The following MEMO1 variants were observed in gnomAD, a reference collection of about 807,000 sequenced individuals.
The protein encoded by MEMO1 is protein MEMO1.
In MEMO1, 6 loss-of-function variants were observed where a neutral mutation model predicts 45.2. That is an observed-to-expected ratio of 0.13 (90% CI 0.07 to 0.26). MEMO1 has a LOEUF of 0.26. Ranked by LOEUF, MEMO1 falls within the 10% of genes least tolerant of loss-of-function variation. MEMO1 has a pLI of 1.00. For synonymous variants in MEMO1, 78 were observed against 124.3 expected, an observed-to-expected ratio of 0.63 and a Z score of 2.48; for missense variants, 184 against 370.5, an observed-to-expected ratio of 0.50 and a Z score of 4.13.
chr2:31,924,607 T>C (rs1255421320), intron 4 of MEMO1, among the ~76,000 whole-genome samples: 2 of 152,186 alleles, frequency 1.3e-5, no homozygotes, highest in African/African-American at 4.8e-5. Flanking sequence ...CCTGAGTGTG[T>C]ACCCTCATGA....
At chr2:31,961,407 G>C (rs182642342) in intron 2 of MEMO1, among the ~76,000 whole-genome samples, 1 of 151,808 alleles carries the variant, frequency 6.6e-6, no homozygotes. Flanking sequence ...GGGAGGACAT[G>C]AAAAAAACAG....
chr2:31,971,459 G>A (rs1345234865), intron 2 of MEMO1, among the ~76,000 whole-genome samples: 1 of 151,960 alleles, frequency 6.6e-6, no homozygotes, highest in African/African-American at 2.4e-5. Flanking sequence ...TGCACTCCTG[G>A]GCTCAAGAGA....
intron 3 of MEMO1, among the ~76,000 whole-genome samples, chr2:31,942,708 G>C (rs1028242866): frequency 6.6e-6 from 1 of 151,980 alleles, no homozygotes; most frequent in Non-Finnish European, 1.5e-5. Context: ...TTTTAGTAGA[G>C]ATGGAGTCTC....
chr2:31,963,171 C>T (rs1464082376), intron 2 of MEMO1: 1 of 1,540,716 alleles, frequency 6.5e-7, no homozygotes. Flanking sequence ...TGAAACCGCA[C>T]CGTCAGCTCT....
chr2:31,925,592 A>G (rs1156753327), intron 4 of MEMO1, among the ~76,000 whole-genome samples: 3 of 152,022 alleles, frequency 2.0e-5, no homozygotes, highest in Non-Finnish European at 4.4e-5. Context: ...CAAACTGTGA[A>G]CTCTGGAATT....
rs1296335887 is a variant in MEMO1, at chr2:31,951,156, T to TTG, written c.62-7774_62-7773insCA. Among the ~76,000 whole-genome samples, 89 of 152,328 alleles carry TTG rather than the reference T, an allele frequency of 5.8e-4. 1 individual carries two copies. The highest frequency in any genetic ancestry group is 1.8e-4 in the Non-Finnish European group (12 of 68,024). ...TTCTGTAATTGGTATTTAACTAGTATGTTGACTGAAACATCAAAGGGGTGA... is the reference window on the plus strand; with the variant it reads ...TTCTGTAATTGGTATTTAACTAGTATTGGTTGACTGAAACATCAAAGGGGTGA... On this transcript the variant is annotated intron_variant, in intron 2 of 9. Coordinates refer to ENST00000404530, the MANE Select transcript of MEMO1 (RefSeq NM_001301833.4).
chr2:31,921,052 T>G, intron 4 of MEMO1, 142 bp from the exon 5 acceptor site: 1 of 567,916 alleles, frequency 1.8e-6, no homozygotes, highest in Non-Finnish European at 3.2e-6. Context: ...TGTGTTCCCC[T>G]CCAAAATTCA....
At chr2:31,977,584 G>C (rs1460095633) in intron 2 of MEMO1, among the ~76,000 whole-genome samples, 1 of 152,128 alleles carries the variant, frequency 6.6e-6, no homozygotes, top group African/African-American at 2.4e-5. Context: ...CACGATCTCA[G>C]CTCACCACAA....
intron 5 of MEMO1, among the ~76,000 whole-genome samples, chr2:31,919,747 C>T (rs541941582): frequency 6.6e-5 from 10 of 152,056 alleles, no homozygotes; most frequent in African/African-American, 2.4e-4. Flanking sequence ...CACTTGAGCC[C>T]AGGAGTTTGA....
At chr2:31,975,122 A>G (rs1487177050) in intron 2 of MEMO1, among the ~76,000 whole-genome samples, 1 of 152,230 alleles carries the variant, frequency 6.6e-6, no homozygotes, top group Non-Finnish European at 1.5e-5. Context: ...CAGTGAGCCA[A>G]GATCGTGCCA....
At chr2:31,904,124 G>A (rs1005913508) in intron 6 of MEMO1, among the ~76,000 whole-genome samples, 2 of 152,158 alleles carry the variant, frequency 1.3e-5, no homozygotes, top group Non-Finnish European at 2.9e-5. Flanking sequence ...TGGGAAAGAG[G>A]CATAGGAGCT....
chr2:31,894,727 G>A (rs1677500120), intron 6 of MEMO1, among the ~76,000 whole-genome samples: 1 of 152,172 alleles, frequency 6.6e-6, no homozygotes, highest in South Asian at 2.1e-4. Context: ...TTGGGTACGT[G>A]CACAGGGTCT....
At chr2:31,897,554 C>T (rs1164614967) in intron 6 of MEMO1, among the ~76,000 whole-genome samples, 1 of 152,130 alleles carries the variant, frequency 6.6e-6, no homozygotes, top group African/African-American at 2.4e-5. Flanking sequence ...GCCTTGCATT[C>T]CAGGGATGAA....
chr2:31,909,162 C>T (rs1330338318), intron 6 of MEMO1, among the ~76,000 whole-genome samples: 1 of 152,124 alleles, frequency 6.6e-6, no homozygotes, highest in Non-Finnish European at 1.5e-5. Context: ...TCACAATGAA[C>T]AGGGAAAAAC....
chr2:31,939,202 T>C (rs1665316151), intron 3 of MEMO1, among the ~76,000 whole-genome samples: 1 of 152,158 alleles, frequency 6.6e-6, no homozygotes, highest in Non-Finnish European at 1.5e-5. Context: ...AGTCTTCCTA[T>C]GTTAACGAAA....
intron 4 of MEMO1, among the ~76,000 whole-genome samples, chr2:31,925,640 A>C (rs548909975): frequency 5.9e-5 from 9 of 152,216 alleles, no homozygotes; most frequent in South Asian, 2.1e-4. Flanking sequence ...AGTCCATAAA[A>C]TTAAAACTAT....
At chr2:31,948,079 C>T (rs1170178075) in intron 2 of MEMO1, among the ~76,000 whole-genome samples, 1 of 152,202 alleles carries the variant, frequency 6.6e-6, no homozygotes, top group Admixed American at 6.5e-5. Flanking sequence ...ACATGCTTCT[C>T]AGGTGATAGC....
intron 2 of MEMO1, among the ~76,000 whole-genome samples, chr2:31,971,974 AAAAAG>A (rs567822950): frequency 1.1e-4 from 17 of 152,300 alleles, no homozygotes; most frequent in African/African-American, 2.2e-4. Context: ...TGTCTCAAAA[AAAAAG>A]AAAAGAAAAG....
chr2:31,985,357 C>T (rs759460758), intron 2 of MEMO1, among the ~76,000 whole-genome samples: 5 of 152,208 alleles, frequency 3.3e-5, no homozygotes, highest in Admixed American at 1.3e-4. Context: ...GATGGAGTCT[C>T]GCTCTGTCAC....
Sources: allele counts gnomAD v4.1 joint callset (sites outside exome capture counted in the v4.1 genomes callset), GRCh38; gene constraint gnomAD v4.1.1; transcripts MANE v1.5; gene names NCBI Gene and HGNC (gene_info 2026-07-23, HGNC 2026-07-21).